CFAP95: variants seen among roughly 807,000 people sequenced by gnomAD.
CFAP95 encodes cilia and flagella associated protein 95, also known as cilia- and flagella-associated protein 95.
the CFAP95 span, among the ~76,000 whole-genome samples, chr9:69,867,836 G>C: frequency 6.6e-6 from 1 of 152,228 alleles, no homozygotes. Flanking sequence ...CTGGAGCCAT[G>C]TGAATGAGCT....
At chr9:69,867,923 C>T in the CFAP95 span, among the ~76,000 whole-genome samples, 1 of 152,154 alleles carries the variant, frequency 6.6e-6, no homozygotes, top group Non-Finnish European at 1.5e-5. Context: ...AGATAAACCA[C>T]CCGGCTGAGC....
chr9:69,840,900 C>T, the CFAP95 span, among the ~76,000 whole-genome samples: 3,996 of 151,962 alleles, frequency 0.026, 63 homozygotes, highest in South Asian at 0.057. Context: ...CCCAAAGAAA[C>T]ACCTTCATTA....
At chr9:69,850,047 A>G in the CFAP95 span, among the ~76,000 whole-genome samples, 885 of 152,256 alleles carry the variant, frequency 5.8e-3, 5 homozygotes, top group African/African-American at 0.02. Context: ...CCCTATCACA[A>G]TCACTTATGT....
the CFAP95 span, among the ~76,000 whole-genome samples, chr9:69,839,787 A>AT: frequency 6.6e-6 from 1 of 151,192 alleles, no homozygotes; most frequent in Non-Finnish European, 1.5e-5. Context: ...AAGAAGTATC[A>AT]TTTTTTGGCC....
the CFAP95 span, among the ~76,000 whole-genome samples, chr9:69,830,178 C>A: frequency 6.6e-6 from 1 of 152,104 alleles, no homozygotes; most frequent in African/African-American, 2.4e-5. Flanking sequence ...CATCTTGATC[C>A]CACAAAGAAA....
the CFAP95 span, among the ~76,000 whole-genome samples, chr9:69,824,355 C>A: frequency 3.9e-5 from 6 of 152,130 alleles, no homozygotes; most frequent in African/African-American, 1.2e-4. Flanking sequence ...CCACTTGCTA[C>A]GATTTATTTG....
chr9:69,900,600 T>C, the CFAP95 span, among the ~76,000 whole-genome samples: 4 of 152,200 alleles, frequency 2.6e-5, no homozygotes, highest in Admixed American at 6.5e-5. Context: ...TCCATTCCCA[T>C]AGACACTGTA....
At chr9:69,879,255 A>G in the CFAP95 span, among the ~76,000 whole-genome samples, 5 of 152,194 alleles carry the variant, frequency 3.3e-5, no homozygotes, top group African/African-American at 9.7e-5. Context: ...ATTTTTGCTC[A>G]AAGTCTCTTA....
chr9:69,886,701 G>C, the CFAP95 span: 7 of 627,088 alleles, frequency 1.1e-5, no homozygotes, highest in Admixed American at 1.1e-4. Context: ...GGCTGGGACA[G>C]TTGTGGGGTT....
chr9:69,890,241 T>C, the CFAP95 span, among the ~76,000 whole-genome samples: 2 of 152,216 alleles, frequency 1.3e-5, no homozygotes, highest in African/African-American at 4.8e-5. Flanking sequence ...GGCACATAAA[T>C]CATTAACCAT....
chr9:69,843,550 TCC>T, the CFAP95 span, among the ~76,000 whole-genome samples: 42 of 21,078 alleles, frequency 2.0e-3, 11 homozygotes, highest in South Asian at 0.033. Flanking sequence ...CTCCTCCTCC[TCC>T]TCCTCCTTCT....
At chr9:69,867,450 C>T in the CFAP95 span, among the ~76,000 whole-genome samples, 3 of 152,034 alleles carry the variant, frequency 2.0e-5, no homozygotes, top group Admixed American at 2.0e-4. Flanking sequence ...CTCAGTGAGG[C>T]CCTAAAACTA....
chr9:69,856,458 A>G, the CFAP95 span: 3 of 625,166 alleles, frequency 4.8e-6, no homozygotes, highest in East Asian at 2.9e-5. Context: ...AGAGTCAACA[A>G]TTAAAATCAG....
chr9:69,838,670 G>A, the CFAP95 span, among the ~76,000 whole-genome samples: 6 of 151,872 alleles, frequency 4.0e-5, no homozygotes, highest in Non-Finnish European at 7.4e-5. Flanking sequence ...TAATCATGTC[G>A]TCTGCAAACT....
chr9:69,868,155 A>G, the CFAP95 span, among the ~76,000 whole-genome samples: 1 of 152,162 alleles, frequency 6.6e-6, no homozygotes. Context: ...TAATAAAACA[A>G]TGTGCACAAT....
chr9:69,822,707 A>G, the CFAP95 span, among the ~76,000 whole-genome samples: 1 of 152,240 alleles, frequency 6.6e-6, no homozygotes, highest in African/African-American at 2.4e-5. Context: ...AGACATCAAT[A>G]GCAAAACCAC....
At chr9:69,827,999 G>C in the CFAP95 span, among the ~76,000 whole-genome samples, 1 of 152,138 alleles carries the variant, frequency 6.6e-6, no homozygotes, top group Admixed American at 6.5e-5. Context: ...CCCTCTTTTA[G>C]TTTCTAAAGT....
the CFAP95 span, chr9:69,858,279 G>T: frequency 2.8e-6 from 1 of 362,776 alleles, no homozygotes; most frequent in South Asian, 2.8e-5. Context: ...GGTCATTTGT[G>T]GACATATGCA....
the CFAP95 span, among the ~76,000 whole-genome samples, chr9:69,845,267 A>T: frequency 6.6e-6 from 1 of 152,214 alleles, no homozygotes; most frequent in African/African-American, 2.4e-5. Context: ...CTGTCCAGTC[A>T]GCATAAGGCA....
Sources: gnomAD v4.1 joint callset for allele counts (sites outside exome capture counted in the v4.1 genomes callset) on GRCh38, gnomAD v4.1.1 for gene constraint, MANE v1.5 for transcripts, NCBI Gene and HGNC (gene_info 2026-07-23, HGNC 2026-07-21) for gene names.